MYL1: variants seen among roughly 807,000 people sequenced by gnomAD.
MYL1 encodes the protein myosin light chain 1/3, skeletal muscle isoform.
MYL1 carries 16 observed loss-of-function variants against 21.8 expected under a neutral mutation model. That is an observed-to-expected ratio of 0.74 (90% CI 0.50 to 1.12). The LOEUF is 1.12. Ranked by LOEUF, MYL1 falls within the 50% of genes most tolerant of loss-of-function variation. The probability of loss-of-function intolerance (pLI) is 0.00; values close to 1 mark genes in which losing one functional copy is unlikely to be tolerated. For missense variants in MYL1, 246 were observed against 241.0 expected, an observed-to-expected ratio of 1.02 and a Z score of -0.14; for synonymous variants, 99 against 85.2, an observed-to-expected ratio of 1.16 and a Z score of -0.89.
chr2:210,301,522 A>G (rs1021333713), intron 2 of MYL1, among the ~76,000 whole-genome samples: 1 of 152,156 alleles, frequency 6.6e-6, no homozygotes, highest in African/African-American at 2.4e-5. Flanking sequence ...CATATCTAAT[A>G]TATGTAATAT....
intron 1 of MYL1, among the ~76,000 whole-genome samples, chr2:210,308,552 G>A (rs186516045): frequency 2.7e-5 from 4 of 150,754 alleles, no homozygotes; most frequent in Admixed American, 2.0e-4. Flanking sequence ...TGCATAAATT[G>A]ATCTGGTCTG....
chr2:210,306,029 C>G lies in MYL1; in HGVS notation c.133-3514G>C, dbSNP rs139146317. ...GAGCTGAGATCGTGCCATTGCACTCCAACCTGGGCAGCAAGAATGAAACTC... is the reference window on the plus strand; with the variant it reads ...GAGCTGAGATCGTGCCATTGCACTCGAACCTGGGCAGCAAGAATGAAACTC... On this transcript the variant is annotated intron_variant, in intron 1 of 6. Transcript: ENST00000352451. Among the ~76,000 whole-genome samples the G allele has an allele frequency of 4.4e-3, 652 of 149,784 alleles. 8 individuals carry two copies. The highest frequency in any genetic ancestry group is 0.015 in the African/African-American group (617 of 40,642).
chr2:210,293,760 T>G lies in MYL1; in HGVS notation c.519A>C (p.Ala173=). 1 of 1,614,090 alleles carries G rather than the reference T, an allele frequency of 6.2e-7. No homozygotes were observed. The change falls in exon 5 of 7, where the codon GCA becomes GCC. Residue 173 remains alanine, a synonymous_variant. Transcript: ENST00000352451. ...TGCAGCCATTGGAGTCTTCTTGACC[T>G]GCCATCAGGGCTTCCACTTCTTCCT... ...MKEEEVEALM[A]GQEDSNGCIN...
At chr2:210,292,518 T>C (rs1559658655) in intron 5 of MYL1, among the ~76,000 whole-genome samples, 1 of 152,048 alleles carries the variant, frequency 6.6e-6, no homozygotes, top group African/African-American at 2.4e-5. Context: ...TAGTAGTTCT[T>C]TTTTATTAGG....
intron 1 of MYL1, among the ~76,000 whole-genome samples, chr2:210,310,117 G>T (rs146269977): frequency 3.9e-5 from 6 of 152,136 alleles, no homozygotes; most frequent in Non-Finnish European, 5.9e-5. Flanking sequence ...ACTGCAAATG[G>T]ATTAATATTG....
intron 5 of MYL1, among the ~76,000 whole-genome samples, chr2:210,292,352 C>T (rs986033007): frequency 2.0e-5 from 3 of 152,016 alleles, no homozygotes; most frequent in Admixed American, 6.6e-5. Flanking sequence ...GATTTACAGG[C>T]GTGAGCCACC....
Position 210,298,570 on chromosome 2 carries a change from A to G in MYL1, c.161-7T>C, listed in dbSNP as rs763892763. The stretch of plus-strand genomic sequence containing the variant: ...AGAAATGCCTCCTTGAATTCTGCAA[A>G]AAGCAAGAAGCATTAGAGTGCTCTT... On this transcript the variant is annotated splice_region_variant and splice_polypyrimidine_tract_variant and intron_variant, in intron 2 of 6. Transcript: ENST00000352451. The G allele has an allele frequency of 6.2e-7, 1 of 1,613,652 alleles. No individual in the cohort carries two copies. Among genetic ancestry groups the G allele is most frequent in the Non-Finnish European group, 8.5e-7 (1 of 1,179,870 alleles).
intron 1 of MYL1, among the ~76,000 whole-genome samples, chr2:210,309,039 T>C (rs11678206): frequency 0.077 from 11,764 of 152,082 alleles, 504 homozygotes; most frequent in Middle Eastern, 0.13. Flanking sequence ...GAATTTTGTT[T>C]TAGCTTTCTT....
intron 1 of MYL1, among the ~76,000 whole-genome samples, chr2:210,310,185 G>A (rs1304452800): frequency 2.0e-5 from 3 of 152,034 alleles, no homozygotes; most frequent in Admixed American, 1.3e-4. Context: ...AAAGGCCAGA[G>A]TAAAAGAAAA....
At position 210,314,983 on chromosome 2, in the gene MYL1, C is replaced by A. The variant is rs148686005; in HGVS notation, c.60G>T (p.Pro20=). ...CAGGGGCAGGTGCAGGTGCCGGTGC[C>A]GGGGCTGGGGCAGCCGCAGCCGCAG... is the stretch of plus-strand genomic sequence containing the variant. ...PVAAAAAAPA[P]APAPAPAPAP... The change falls in exon 1 of 7, where the codon CCG becomes CCT. Residue 20 remains proline (P), a synonymous_variant. Coordinates refer to ENST00000352451, the MANE Select transcript of MYL1 (RefSeq NM_079420.3). The A allele has an allele frequency of 1.9e-5, 31 of 1,611,478 alleles. No homozygotes were observed. Among genetic ancestry groups the A allele is most frequent in the Non-Finnish European group, 2.5e-5 (30 of 1,179,198 alleles).
At chr2:210,303,604 C>A in intron 1 of MYL1, 1 of 1,598,196 alleles carries the variant, frequency 6.3e-7, no homozygotes, top group Non-Finnish European at 8.5e-7. Context: ...AGGGCTGCTC[C>A]GGTCCCTGAG....
At chr2:210,313,378 A>T (rs1690445454) in intron 1 of MYL1, among the ~76,000 whole-genome samples, 1 of 152,044 alleles carries the variant, frequency 6.6e-6, no homozygotes, top group African/African-American at 2.4e-5. Flanking sequence ...AGGGACAATC[A>T]GAATTACTAT....
At chr2:210,292,779 T>C (rs1690099897) in intron 5 of MYL1, among the ~76,000 whole-genome samples, 1 of 152,238 alleles carries the variant, frequency 6.6e-6, no homozygotes, top group Non-Finnish European at 1.5e-5. Context: ...TGTAAATTAT[T>C]TGAAATTTGT....
intron 2 of MYL1, among the ~76,000 whole-genome samples, chr2:210,300,027 T>C (rs556501390): frequency 6.8e-6 from 1 of 147,966 alleles, no homozygotes; most frequent in Non-Finnish European, 1.5e-5. Flanking sequence ...TCTATGCAAT[T>C]TGACTACAGA....
At chr2:210,307,104 G>T (rs113505186) in intron 1 of MYL1, among the ~76,000 whole-genome samples, 1 of 152,104 alleles carries the variant, frequency 6.6e-6, no homozygotes, top group Non-Finnish European at 1.5e-5. Flanking sequence ...TGAAAGAAAC[G>T]TTTTCTCTCT....
At chr2:210,306,831 T>C (rs1312080044) in intron 1 of MYL1, among the ~76,000 whole-genome samples, 3 of 151,858 alleles carry the variant, frequency 2.0e-5, no homozygotes, top group African/African-American at 7.3e-5. Flanking sequence ...GATTCTTCTG[T>C]CTGGCTTACT....
At chr2:210,297,313 T>A (rs1242873501) in intron 3 of MYL1, among the ~76,000 whole-genome samples, 2 of 152,068 alleles carry the variant, frequency 1.3e-5, no homozygotes, top group African/African-American at 4.8e-5. Flanking sequence ...TTTCTCTGCA[T>A]CTTCCACAGC....
chr2:210,313,965 G>A (rs556820093), intron 1 of MYL1, among the ~76,000 whole-genome samples: 34 of 152,080 alleles, frequency 2.2e-4, no homozygotes, highest in African/African-American at 7.5e-4. Context: ...TATAAGGCAG[G>A]TTTCCTTAGA....
intron 3 of MYL1, among the ~76,000 whole-genome samples, chr2:210,298,079 T>C (rs1690204469): frequency 6.6e-6 from 1 of 152,148 alleles, no homozygotes; most frequent in Non-Finnish European, 1.5e-5. Context: ...CCTTTAATTA[T>C]GAACATTCGA....
Sources: gnomAD v4.1 joint callset for allele counts (sites outside exome capture counted in the v4.1 genomes callset) on GRCh38, gnomAD v4.1.1 for gene constraint, MANE v1.5 for transcripts, NCBI Gene and HGNC (gene_info 2026-07-23, HGNC 2026-07-21) for gene names.